The following RSPH4A variants were observed in gnomAD, a reference collection of about 807,000 sequenced individuals.
RSPH4A encodes radial spoke head component 4A.
A neutral mutation model predicts 71.0 loss-of-function variants in RSPH4A; 47 were observed. The ratio of observed to expected loss-of-function variants is 0.66; its 90% CI spans 0.52 to 0.84. The LOEUF (loss-of-function observed/expected upper bound fraction) is 0.84. Among genes scored for constraint, RSPH4A ranks in the 40% least tolerant of loss-of-function variants. RSPH4A has a pLI of 0.00. For synonymous variants in RSPH4A, 282 were observed against 302.3 expected (o/e 0.93, Z 0.70); for missense variants, 793 against 855.2 (o/e 0.93, Z 0.91).
chr6:116,629,563 C>T lies in RSPH4A; in HGVS notation c.1663-4C>T. ...CTACTAAATCTTGCAACATTCATTC[C>T]CAGGGTCGCTGTAATTGGTTCAACT... On this transcript the variant is annotated splice_region_variant and splice_polypyrimidine_tract_variant and intron_variant, in intron 3 of 5. Coordinates refer to ENST00000229554, the MANE Select transcript of RSPH4A (RefSeq NM_001010892.3). 1 of 1,612,540 alleles carries T rather than the reference C, an allele frequency of 6.2e-7. No homozygotes were observed. Among genetic ancestry groups the T allele is most frequent in the Non-Finnish European group, 8.5e-7 (1 of 1,178,958 alleles).
chr6:116,627,349 A>AC (rs575099981), intron 2 of RSPH4A, among the ~76,000 whole-genome samples: 228 of 152,176 alleles, frequency 1.5e-3, no homozygotes, highest in Non-Finnish European at 2.3e-3. Context: ...ACAGGCACGC[A>AC]CCACCATGTC....
intron 1 of RSPH4A, among the ~76,000 whole-genome samples, chr6:116,617,689 C>T (rs1274803508): frequency 6.6e-6 from 1 of 152,134 alleles, no homozygotes; most frequent in Non-Finnish European, 1.5e-5. Context: ...GCAATCACGT[C>T]TCTCATCTGT....
chr6:116,631,316 G>A (rs1030530545), intron 5 of RSPH4A, among the ~76,000 whole-genome samples: 2 of 152,116 alleles, frequency 1.3e-5, no homozygotes, highest in African/African-American at 4.8e-5. Context: ...AAAAATGAGA[G>A]TTAAGCCTTT....
At chr6:116,618,981 T>G in intron 1 of RSPH4A, among the ~76,000 whole-genome samples, 1 of 152,188 alleles carries the variant, frequency 6.6e-6, no homozygotes, top group East Asian at 1.9e-4. Flanking sequence ...CTCACAGAAC[T>G]CAGGGAAACA....
rs772003542 is a variant in RSPH4A, at chr6:116,628,371, T to C, written c.1662+2T>C. On this transcript the variant is annotated splice_donor_variant, in intron 3 of 5. Transcript: ENST00000229554. LOFTEE classifies it high-confidence loss of function. Reference sequence around the variant, plus strand: ...CATGTACAGCATATTCTCTCTCAGGTAGGAGCTTTGCACTTCTCAATCTAT... The same window carrying C: ...CATGTACAGCATATTCTCTCTCAGGCAGGAGCTTTGCACTTCTCAATCTAT... 13 of 1,608,870 alleles carry C rather than the reference T, an allele frequency of 8.1e-6. No homozygotes were observed. The highest frequency in any genetic ancestry group is 1.1e-5 in the South Asian group (1 of 90,980).
intron 3 of RSPH4A, 122 bp downstream of exon 3, chr6:116,628,491 G>T: frequency 3.8e-6 from 3 of 785,848 alleles, no homozygotes. Flanking sequence ...GGCAGGAAAA[G>T]AGATAATTAA....
At position 116,628,035 on chromosome 6, in the gene RSPH4A, A is replaced by C; in HGVS notation, c.1328A>C (p.Lys443Thr). Residue 443 changes from lysine to threonine, a missense_variant, in exon 3 of 6, where the codon AAG becomes ACG. Lys to Thr is a moderately conservative substitution (Grantham distance 78). Coordinates refer to ENST00000229554, the MANE Select transcript of RSPH4A (RefSeq NM_001010892.3). The stretch of plus-strand genomic sequence containing the variant: ...AATGAACCAGGAAGACCATGGGTGA[A>C]GTTACCACCAGTTATACCTGCACAA... The part of the protein sequence containing the change: ...VCNEPGRPWV[K>T]LPPVIPAQIV... The C allele has an allele frequency of 6.2e-7, 1 of 1,614,220 alleles. No homozygotes were observed. The highest frequency in any genetic ancestry group is 2.2e-5 in the East Asian group (1 of 44,884).
Position 116,629,830 on chromosome 6 carries a change from C to T in RSPH4A, c.1798+128C>T, listed in dbSNP as rs570921970. On this transcript the variant is annotated intron_variant, in intron 4 of 5. Coordinates refer to ENST00000229554, the MANE Select transcript of RSPH4A (RefSeq NM_001010892.3). The stretch of plus-strand genomic sequence containing the variant: ...CAGGAGCCAAGGTCTCATCCTCTTC[C>T]CATTCATGTTCTGGGATGATAGGGA... The T allele has an allele frequency of 1.6e-5, 13 of 832,324 alleles. No homozygotes were observed. The South Asian group carries it at 1.8e-4, about 12-fold the overall frequency. 51.6% of individuals were successfully genotyped at this position (832,324 alleles called of 1,614,324 possible). A position where few individuals can be genotyped will look rare whatever the true frequency, so the allele number is the denominator to read the frequency against.
In RSPH4A at chr6:116,628,204, T is replaced by G. The variant is rs758354149; in HGVS notation, c.1497T>G (p.Pro499=). The G allele has an allele frequency of 5.6e-6, 9 of 1,613,922 alleles. No individual in the cohort carries two copies. Among genetic ancestry groups the G allele is most frequent in the Non-Finnish European group, 6.8e-6 (8 of 1,179,960 alleles). Residue 499 remains proline, a synonymous_variant, in exon 3 of 6, where the codon CCT becomes CCG. Coordinates refer to ENST00000229554, the MANE Select transcript of RSPH4A (RefSeq NM_001010892.3). The stretch of plus-strand genomic sequence containing the variant: ...TTTCAGCAGGAACCCACGTCAGTCC[T>G]CTAGGATTTTATCAGTTTGGTGAAG... The part of the protein sequence containing the change: ...ARISAGTHVS[P]LGFYQFGEEE...
In RSPH4A at chr6:116,630,450, C is replaced by G; in HGVS notation, c.1814C>G (p.Pro605Arg). ...TGGGTTCCAGAGATTCAGAATATAC[C>G]CCCCTGGACAACACGGTTATCCTCA... ...ISEDLEIQNI[P>R]PWTTRLSSNL... Residue 605 changes from proline to arginine, a missense_variant, in exon 5 of 6, where the codon CCC becomes CGC. By Grantham distance (103) the Pro-to-Arg change is moderately radical (BLOSUM62 -2). Transcript: ENST00000229554. 1.3e-6 allele frequency: 2 copies of G among 1,588,726 alleles called. No individual in the cohort carries two copies. Among genetic ancestry groups the G allele is most frequent in the African/African-American group, 1.3e-5 (1 of 74,292 alleles).
intron 1 of RSPH4A, among the ~76,000 whole-genome samples, chr6:116,618,595 C>T (rs748296516): frequency 5.3e-5 from 8 of 152,202 alleles, no homozygotes; most frequent in Middle Eastern, 3.2e-3. Flanking sequence ...CTCACTGCAG[C>T]CTCTGCCTCC....
chr6:116,632,828 G>C lies in RSPH4A; in HGVS notation c.*387G>C, dbSNP rs920779255. The C allele has an allele frequency of 2.3e-5, 5 of 215,810 alleles. No individual in the cohort carries two copies. Among genetic ancestry groups the C allele is most frequent in the Admixed American group, 1.1e-4 (2 of 18,974 alleles). 13.4% of individuals were successfully genotyped at this position (215,810 alleles called of 1,614,324 possible). A position where few individuals can be genotyped will look rare whatever the true frequency, so the allele number is the denominator to read the frequency against. ...TTAATTTGTAATACGACAAACACTG[G>C]AAGATATAACCCACAGGAAATTCTT... On this transcript the variant is annotated 3_prime_UTR_variant, in exon 6 of 6. Transcript: ENST00000229554.
intron 3 of RSPH4A, among the ~76,000 whole-genome samples, chr6:116,628,632 A>G (rs1490555331): frequency 1.3e-5 from 2 of 152,180 alleles, no homozygotes; most frequent in Non-Finnish European, 2.9e-5. Flanking sequence ...TCTTCTATGG[A>G]GCGTTTGACA....
rs773146934 is a variant in RSPH4A at position 116,627,765 on chromosome 6, G to A, written c.1058G>A (p.Cys353Tyr). Reference protein sequence around the residue: ...QLTDTHPIQRCRFWGKILGLE... With the variant: ...QLTDTHPIQRYRFWGKILGLE... ...ACTGATACCCACCCAATCCAAAGAT[G>A]CCGCTTCTGGGGAAAGATCTTGGGT... The change falls in exon 3 of 6, where the codon TGC (cysteine) becomes TAC (tyrosine). Residue 353 changes from cysteine (C) to tyrosine (Y), a missense_variant. Transcript: ENST00000229554. 2 of 1,614,168 alleles carry A rather than the reference G, an allele frequency of 1.2e-6. No homozygotes were observed. The highest frequency in any genetic ancestry group is 1.7e-6 in the Non-Finnish European group (2 of 1,180,040).
At chr6:116,623,286 G>A (rs1443396005) in intron 2 of RSPH4A, among the ~76,000 whole-genome samples, 5 of 152,060 alleles carry the variant, frequency 3.3e-5, no homozygotes, top group East Asian at 1.9e-4. Flanking sequence ...GGGTTTCGCC[G>A]TATTGGCCAA....
At chr6:116,629,499 T>A (rs1775757014) in intron 3 of RSPH4A, 68 bp from the exon 4 acceptor site, 1 of 1,485,586 alleles carries the variant, frequency 6.7e-7, no homozygotes, top group Non-Finnish European at 9.4e-7. Flanking sequence ...TCCTGATCAA[T>A]TCAAATGAAT....
rs567859461 is a variant in RSPH4A at position 116,625,755 on chromosome 6, C to T, written c.922-1874C>T. Among the ~76,000 whole-genome samples the T allele has an allele frequency of 4.6e-5, 7 of 152,008 alleles. No individual in the cohort carries two copies. The South Asian group carries it at 6.2e-4, about 14-fold the overall frequency. On this transcript the variant is annotated intron_variant, in intron 2 of 5. Coordinates refer to ENST00000229554, the MANE Select transcript of RSPH4A (RefSeq NM_001010892.3). Reference sequence around the variant, plus strand: ...GGGAGTCAGAGGAAGCAAGGATGACCGAACTTTCTGGTGTGAGAAACTGAG... The same window carrying T: ...GGGAGTCAGAGGAAGCAAGGATGACTGAACTTTCTGGTGTGAGAAACTGAG...
chr6:116,632,666 A>C lies in RSPH4A; in HGVS notation c.*225A>C. 1.9e-6 allele frequency: 1 copy of C among 515,192 alleles called. No homozygotes were observed. The highest frequency in any genetic ancestry group is 3.4e-6 in the Non-Finnish European group (1 of 290,418). 31.9% of individuals were successfully genotyped at this position (515,192 alleles called of 1,614,324 possible). A position where few individuals can be genotyped will look rare whatever the true frequency, so the allele number is the denominator to read the frequency against. On this transcript the variant is annotated 3_prime_UTR_variant, in exon 6 of 6. Coordinates refer to ENST00000229554, the MANE Select transcript of RSPH4A (RefSeq NM_001010892.3). ...CAGGATTTTCCAGAGGCTAAATAAC[A>C]TGCAATTGCATAATTGTTCTGAGGG...
intron 2 of RSPH4A, among the ~76,000 whole-genome samples, chr6:116,626,217 A>T (rs548367261): frequency 2.0e-5 from 3 of 152,234 alleles, no homozygotes; most frequent in Non-Finnish European, 4.4e-5. Flanking sequence ...CACTACAATT[A>T]TAAGAGCATA....
Sources: gnomAD v4.1 joint callset for allele counts (sites outside exome capture counted in the v4.1 genomes callset) on GRCh38, gnomAD v4.1.1 for gene constraint, MANE v1.5 for transcripts, NCBI Gene and HGNC (gene_info 2026-07-23, HGNC 2026-07-21) for gene names.